CNTNAP5: variants seen among roughly 807,000 people sequenced by gnomAD.
CNTNAP5 encodes the protein contactin-associated protein-like 5.
CNTNAP5 carries 72 observed loss-of-function variants against 150.2 expected under a neutral mutation model. The ratio of observed to expected loss-of-function variants is 0.48; its 90% CI spans 0.40 to 0.58. The LOEUF (loss-of-function observed/expected upper bound fraction) is 0.58, where lower values mean the gene tolerates loss of function less well. Among genes scored for constraint, CNTNAP5 ranks in the 20% least tolerant of loss-of-function variants. The pLI, the probability that CNTNAP5 is intolerant of heterozygous loss-of-function variation, is 0.00. For missense variants in CNTNAP5, 1,636 were observed against 1,626.2 expected (o/e 1.01, Z -0.10); for synonymous variants, 672 against 619.8 (o/e 1.08, Z -1.25).
intron 13 of CNTNAP5, among the ~76,000 whole-genome samples, chr2:124,727,708 G>A (rs76211231): frequency 3.3e-5 from 5 of 151,938 alleles, no homozygotes; most frequent in African/African-American, 1.2e-4. Context: ...ACAGTTTTTG[G>A]CATCATCTTT....
At chr2:124,348,893 G>A (rs1689803746) in intron 3 of CNTNAP5, among the ~76,000 whole-genome samples, 1 of 152,040 alleles carries the variant, frequency 6.6e-6, no homozygotes, top group African/African-American at 2.4e-5. Flanking sequence ...TATTATCTAT[G>A]TATAATTCTC....
At chr2:124,323,531 C>T (rs2104671613) in intron 3 of CNTNAP5, among the ~76,000 whole-genome samples, 1 of 152,278 alleles carries the variant, frequency 6.6e-6, no homozygotes, top group Non-Finnish European at 1.5e-5. Flanking sequence ...GAGAGGACGA[C>T]ACCTGTGGAC....
chr2:124,591,454 G>A (rs929082823), intron 11 of CNTNAP5, among the ~76,000 whole-genome samples: 11 of 152,096 alleles, frequency 7.2e-5, no homozygotes, highest in African/African-American at 2.7e-4. Flanking sequence ...TTAAACAAGA[G>A]AGATCAAAAT....
At chr2:124,308,950 A>C (rs961464917) in intron 3 of CNTNAP5, among the ~76,000 whole-genome samples, 1 of 152,172 alleles carries the variant, frequency 6.6e-6, no homozygotes, top group Non-Finnish European at 1.5e-5. Flanking sequence ...TTACCTGTGA[A>C]TGGAAATAGT....
intron 10 of CNTNAP5, among the ~76,000 whole-genome samples, chr2:124,532,158 A>G (rs964187413): frequency 1.3e-5 from 2 of 152,196 alleles, no homozygotes; most frequent in Non-Finnish European, 2.9e-5. Context: ...GGAGTAGAGT[A>G]TGACTGGGGT....
intron 21 of CNTNAP5, among the ~76,000 whole-genome samples, chr2:124,870,653 A>G (rs1677726369): frequency 6.6e-6 from 1 of 152,166 alleles, no homozygotes; most frequent in South Asian, 2.1e-4. Context: ...AGAAAACATT[A>G]ATAACTCAAT....
intron 1 of CNTNAP5, among the ~76,000 whole-genome samples, chr2:124,093,589 C>A (rs570869221): frequency 6.6e-6 from 1 of 152,262 alleles, no homozygotes; most frequent in African/African-American, 2.4e-5. Context: ...GAGGAATGGG[C>A]ACCCATAGTC....
At chr2:124,116,942 G>A (rs1049812888) in intron 1 of CNTNAP5, among the ~76,000 whole-genome samples, 8 of 152,282 alleles carry the variant, frequency 5.3e-5, no homozygotes, top group African/African-American at 1.9e-4. Flanking sequence ...AAAATGAAAC[G>A]TGATTACAAT....
intron 3 of CNTNAP5, among the ~76,000 whole-genome samples, chr2:124,337,156 G>T (rs1209511576): frequency 6.6e-6 from 1 of 152,048 alleles, no homozygotes; most frequent in Admixed American, 6.6e-5. Flanking sequence ...TGTGTCTTTT[G>T]GCTGCATAAA....
intron 23 of CNTNAP5, 91 bp downstream of exon 23, chr2:124,911,629 T>G: frequency 7.5e-5 from 72 of 966,184 alleles, no homozygotes; most frequent in Non-Finnish European, 1.0e-4. Context: ...ATTATGGCCA[T>G]CCAGCACTCA....
At chr2:124,114,161 G>A (rs4450605) in intron 1 of CNTNAP5, among the ~76,000 whole-genome samples, 91,538 of 151,748 alleles carry the variant, frequency 0.6, 28,119 homozygotes, top group South Asian at 0.67. Flanking sequence ...AATGTATTGC[G>A]ATATCAATTG....
At chr2:124,726,461 C>G (rs1286864347) in intron 13 of CNTNAP5, among the ~76,000 whole-genome samples, 1 of 152,024 alleles carries the variant, frequency 6.6e-6, no homozygotes, top group Non-Finnish European at 1.5e-5. Context: ...TTTGCTTTCC[C>G]CTAAGATTGT....
intron 1 of CNTNAP5, among the ~76,000 whole-genome samples, chr2:124,174,184 A>G (rs965426158): frequency 2.0e-5 from 3 of 152,092 alleles, no homozygotes; most frequent in African/African-American, 7.2e-5. Context: ...AAGATCTCTG[A>G]TAAAAATGTT....
intron 3 of CNTNAP5, among the ~76,000 whole-genome samples, chr2:124,299,266 C>T (rs906431815): frequency 3.9e-5 from 6 of 152,124 alleles, no homozygotes; most frequent in African/African-American, 1.4e-4. Flanking sequence ...GTTGGAGTTT[C>T]TCAGGGGACC....
chr2:124,351,379 T>G (rs893363384), intron 3 of CNTNAP5, among the ~76,000 whole-genome samples: 1 of 152,186 alleles, frequency 6.6e-6, no homozygotes, highest in Non-Finnish European at 1.5e-5. Flanking sequence ...CTCCACTGGC[T>G]GTCTATCATT....
chr2:124,588,147 C>T (rs1486674087), intron 11 of CNTNAP5, among the ~76,000 whole-genome samples: 62 of 111,876 alleles, frequency 5.5e-4, no homozygotes, highest in African/African-American at 1.9e-3. Context: ...TCCTTCCTTC[C>T]TTCCTTCCTT....
chr2:124,372,976 A>G (rs1368975109), intron 3 of CNTNAP5, among the ~76,000 whole-genome samples: 1 of 152,138 alleles, frequency 6.6e-6, no homozygotes, highest in Non-Finnish European at 1.5e-5. Flanking sequence ...GGAACTTGAC[A>G]TAGATATAAA....
chr2:124,075,596 C>A (rs1682417854), intron 1 of CNTNAP5, among the ~76,000 whole-genome samples: 1 of 152,112 alleles, frequency 6.6e-6, no homozygotes, highest in African/African-American at 2.4e-5. Flanking sequence ...TTTTTCATTT[C>A]TTTGCTGCAC....
intron 6 of CNTNAP5, among the ~76,000 whole-genome samples, chr2:124,457,577 G>T (rs528274306): frequency 5.1e-4 from 78 of 152,244 alleles, no homozygotes; most frequent in African/African-American, 1.8e-3. Flanking sequence ...CAGGGTACAT[G>T]TATAGGATGT....
Sources: allele counts gnomAD v4.1 joint callset (sites outside exome capture counted in the v4.1 genomes callset), GRCh38; gene constraint gnomAD v4.1.1; transcripts MANE v1.5; gene names NCBI Gene and HGNC (gene_info 2026-07-23, HGNC 2026-07-21).